SAMD12: variants seen among roughly 807,000 people sequenced by gnomAD.
The protein encoded by SAMD12 is sterile alpha motif domain-containing protein 12.
In SAMD12, 9 loss-of-function variants were observed where a neutral mutation model predicts 15.0. That is an observed-to-expected ratio of 0.60 (90% confidence interval 0.36 to 1.05). The LOEUF (loss-of-function observed/expected upper bound fraction) is 1.05. Among genes scored for constraint, SAMD12 ranks in the 50% least tolerant of loss-of-function variants. The pLI is 0.01. For missense variants in SAMD12, 230 were observed against 234.2 expected, an observed-to-expected ratio of 0.98 and a Z score of 0.12; for synonymous variants, 86 against 90.1, an observed-to-expected ratio of 0.96 and a Z score of 0.25.
At chr8:118,474,868 C>T (rs1457482473) in intron 2 of SAMD12, among the ~76,000 whole-genome samples, 2 of 152,146 alleles carry the variant, frequency 1.3e-5, no homozygotes, top group African/African-American at 4.8e-5. Context: ...GTGGATTCCT[C>T]ATGAATGGGT....
intron 3 of SAMD12, among the ~76,000 whole-genome samples, chr8:118,396,751 T>C (rs1820590114): frequency 6.6e-6 from 1 of 152,216 alleles, no homozygotes; most frequent in Non-Finnish European, 1.5e-5. Flanking sequence ...ATTAATGACT[T>C]ATCATGTGCC....
chr8:118,446,780 A>G (rs1207781229), intron 2 of SAMD12, among the ~76,000 whole-genome samples: 1 of 152,106 alleles, frequency 6.6e-6, no homozygotes, highest in Non-Finnish European at 1.5e-5. Flanking sequence ...TCCTTTTCAC[A>G]TGTCGTATCA....
chr8:118,614,333 T>C (rs912131046), intron 1 of SAMD12, among the ~76,000 whole-genome samples: 4 of 152,308 alleles, frequency 2.6e-5, no homozygotes, highest in African/African-American at 9.6e-5. Context: ...TCTCATTTGA[T>C]AGACAGGCAA....
At chr8:118,226,785 C>G (rs1395408744) in intron 4 of SAMD12, among the ~76,000 whole-genome samples, 1 of 152,156 alleles carries the variant, frequency 6.6e-6, no homozygotes, top group Non-Finnish European at 1.5e-5. Context: ...ACTAAGGCAG[C>G]TTGGGGGAGT....
At chr8:118,374,935 C>T (rs916997410), downstream of SAMD12, among the ~76,000 whole-genome samples, 9 of 151,858 alleles carry the variant, frequency 5.9e-5, no homozygotes, top group African/African-American at 2.2e-4. Flanking sequence ...TGTCTTTTCA[C>T]TCTGTTGTTT....
At chr8:118,456,056 G>A (rs1173468970) in intron 2 of SAMD12, among the ~76,000 whole-genome samples, 1 of 152,180 alleles carries the variant, frequency 6.6e-6, no homozygotes. Flanking sequence ...GGGTCCTTCA[G>A]TGGCTTTCCT....
chr8:118,315,078 T>G (rs1355179338), intron 4 of SAMD12, among the ~76,000 whole-genome samples: 1 of 152,244 alleles, frequency 6.6e-6, no homozygotes, highest in Non-Finnish European at 1.5e-5. Context: ...TTATCTCGCC[T>G]CTTGGAAAGA....
At chr8:118,384,060 G>T (rs1400826366) in intron 3 of SAMD12, among the ~76,000 whole-genome samples, 1 of 152,156 alleles carries the variant, frequency 6.6e-6, no homozygotes, top group Non-Finnish European at 1.5e-5. Context: ...TGTAGTTGGG[G>T]TGGTTAGGAT....
At chr8:118,616,305 T>G (rs181010946) in intron 1 of SAMD12, among the ~76,000 whole-genome samples, 3 of 152,308 alleles carry the variant, frequency 2.0e-5, no homozygotes, top group Admixed American at 6.5e-5. Flanking sequence ...AAAGCAGTCA[T>G]AAACCCACCC....
At chr8:118,387,518 T>C (rs148870739) in intron 3 of SAMD12, among the ~76,000 whole-genome samples, 1 of 152,294 alleles carries the variant, frequency 6.6e-6, no homozygotes, top group African/African-American at 2.4e-5. Flanking sequence ...GCAGTTACTC[T>C]GTTAAACACT....
chr8:118,132,740 C>G, the SAMD12 span, among the ~76,000 whole-genome samples: 1 of 151,940 alleles, frequency 6.6e-6, no homozygotes, highest in Non-Finnish European at 1.5e-5. Context: ...TTCTCCAGAG[C>G]CTTTCCATCC....
intron 2 of SAMD12, among the ~76,000 whole-genome samples, chr8:118,518,206 A>G (rs1191873715): frequency 6.6e-6 from 1 of 152,170 alleles, no homozygotes; most frequent in African/African-American, 2.4e-5. Context: ...GGGGCACTTG[A>G]CTGCAACAAA....
At chr8:118,166,505 G>T in the SAMD12 span, among the ~76,000 whole-genome samples, 1 of 151,946 alleles carries the variant, frequency 6.6e-6, no homozygotes, top group African/African-American at 2.4e-5. Flanking sequence ...CCCATATATT[G>T]CTCTGTCACA....
At chr8:118,326,276 TC>T (rs1283818029) in intron 4 of SAMD12, among the ~76,000 whole-genome samples, 5 of 152,126 alleles carry the variant, frequency 3.3e-5, no homozygotes, top group African/African-American at 1.2e-4. Flanking sequence ...GAACAACGGT[TC>T]CAGGACCAGG....
At chr8:118,282,096 C>G (rs923993418) in intron 4 of SAMD12, 2 of 346,576 alleles carry the variant, frequency 5.8e-6, no homozygotes, top group Non-Finnish European at 1.1e-5. Flanking sequence ...CTTAATTTGC[C>G]TCAGTGACAG....
At chr8:118,327,492 T>C (rs930887237) in intron 4 of SAMD12, among the ~76,000 whole-genome samples, 2 of 152,182 alleles carry the variant, frequency 1.3e-5, no homozygotes, top group East Asian at 3.8e-4. Context: ...CATGGGATTG[T>C]TCTGGAGAAC....
At chr8:118,262,157 G>A (rs958612481) in intron 4 of SAMD12, among the ~76,000 whole-genome samples, 11 of 151,966 alleles carry the variant, frequency 7.2e-5, no homozygotes, top group Admixed American at 2.6e-4. Flanking sequence ...CTCACTACTT[G>A]TCTCAAAGGG....
At chr8:118,511,863 A>G (rs1030204302) in intron 2 of SAMD12, among the ~76,000 whole-genome samples, 9 of 152,200 alleles carry the variant, frequency 5.9e-5, no homozygotes, top group African/African-American at 2.2e-4. Context: ...ACAAATCTGC[A>G]CTGAACAAAG....
At chr8:118,404,534 A>G (rs940123051) in intron 3 of SAMD12, among the ~76,000 whole-genome samples, 2 of 152,232 alleles carry the variant, frequency 1.3e-5, no homozygotes, top group African/African-American at 4.8e-5. Flanking sequence ...AAATGCAGTC[A>G]TCATAGATTG....
Sources: gnomAD v4.1 joint callset for allele counts (sites outside exome capture counted in the v4.1 genomes callset) on GRCh38, gnomAD v4.1.1 for gene constraint, MANE v1.5 for transcripts, NCBI Gene and HGNC (gene_info 2026-07-23, HGNC 2026-07-21) for gene names.